Variants in MAN2A1 observed in about 807,000 individuals in gnomAD.
MAN2A1 encodes alpha-mannosidase 2.
MAN2A1 carries 76 observed loss-of-function variants against 142.6 expected under a neutral mutation model. The ratio of observed to expected loss-of-function variants is 0.53; its 90% CI spans 0.44 to 0.65. MAN2A1 has a LOEUF of 0.65. Among genes scored for constraint, MAN2A1 ranks in the 30% least tolerant of loss-of-function variants. MAN2A1 has a pLI of 0.00. For synonymous variants in MAN2A1, 559 were observed against 473.2 expected, an observed-to-expected ratio of 1.18 and a Z score of -2.35; for missense variants, 1,311 against 1,365.1, an observed-to-expected ratio of 0.96 and a Z score of 0.62.
intron 1 of MAN2A1, among the ~76,000 whole-genome samples, chr5:109,708,398 A>G (rs1751199140): frequency 6.6e-6 from 1 of 151,912 alleles, no homozygotes; most frequent in East Asian, 1.9e-4. Flanking sequence ...GGGGATAATG[A>G]GTAGAGAGAA....
intron 3 of MAN2A1, among the ~76,000 whole-genome samples, chr5:109,719,392 CAAAT>C (rs1419971630): frequency 6.6e-6 from 1 of 152,072 alleles, no homozygotes; most frequent in Non-Finnish European, 1.5e-5. Flanking sequence ...AAAATATTGA[CAAAT>C]AAATTATTCT....
intron 3 of MAN2A1, among the ~76,000 whole-genome samples, chr5:109,716,824 T>C (rs970259323): frequency 6.6e-6 from 1 of 152,202 alleles, no homozygotes; most frequent in Non-Finnish European, 1.5e-5. Context: ...AGGATAGTAG[T>C]ATCTGTTTCA....
chr5:109,782,118 T>C (rs1753476352), intron 9 of MAN2A1, among the ~76,000 whole-genome samples: 1 of 152,164 alleles, frequency 6.6e-6, no homozygotes, highest in Non-Finnish European at 1.5e-5. Context: ...TGAAGCACAT[T>C]TCTATAGGCA....
intron 4 of MAN2A1, among the ~76,000 whole-genome samples, chr5:109,751,231 A>G (rs963224722): frequency 2.0e-5 from 3 of 151,448 alleles, no homozygotes; most frequent in African/African-American, 7.3e-5. Context: ...GCTCCCAAAT[A>G]TGAGTGAGAA....
intron 1 of MAN2A1, among the ~76,000 whole-genome samples, chr5:109,694,256 A>G (rs994935148): frequency 1.3e-5 from 2 of 152,224 alleles, no homozygotes; most frequent in African/African-American, 2.4e-5. Flanking sequence ...CTTTTTGCCT[A>G]TGTAACATTT....
chr5:109,729,414 T>C lies in MAN2A1; in HGVS notation c.608T>C (p.Leu203Pro). ...QYIFNNMVLK[L>P]KEDSRRKFIW... ...ATTTTTAATAACATGGTCCTAAAGC[T>C]GAAAGAAGACTCACGGAGGAAGTTT... Residue 203 changes from leucine (L) to proline (P), a missense_variant, in exon 4 of 22, where the codon CTG (leucine) becomes CCG (proline). This residue lies in a region of MAN2A1 where 409 missense variants were observed against 412.7 expected (regional missense o/e 0.99). Coordinates refer to ENST00000261483, the MANE Select transcript of MAN2A1 (RefSeq NM_002372.4). 5 of 1,605,644 alleles carry C rather than the reference T, an allele frequency of 3.1e-6. No individual in the cohort carries two copies. The highest frequency in any genetic ancestry group is 4.3e-6 in the Non-Finnish European group (5 of 1,174,878).
At chr5:109,862,425 T>C (rs1367989440) in intron 20 of MAN2A1, 1 of 152,214 alleles carries the variant, frequency 6.6e-6, no homozygotes, top group African/African-American at 2.4e-5. Context: ...CCAGCCTTAC[T>C]TCAGTAATTC....
chr5:109,717,959 A>C (rs1475758370), intron 3 of MAN2A1, among the ~76,000 whole-genome samples: 1 of 152,216 alleles, frequency 6.6e-6, no homozygotes, highest in African/African-American at 2.4e-5. Flanking sequence ...ACTCACACTC[A>C]GTGAGGTGAG....
intron 1 of MAN2A1, among the ~76,000 whole-genome samples, chr5:109,704,308 T>C (rs1253160324): frequency 2.0e-5 from 3 of 152,226 alleles, no homozygotes; most frequent in Non-Finnish European, 2.9e-5. Context: ...AAAGAGTATA[T>C]TGCTTCTGCA....
chr5:109,703,365 G>C (rs1221254158), intron 1 of MAN2A1, among the ~76,000 whole-genome samples: 1 of 152,180 alleles, frequency 6.6e-6, no homozygotes, highest in Admixed American at 6.5e-5. Context: ...ACAAAGATAA[G>C]CATTTGTCAA....
At chr5:109,838,181 T>G (rs186074621) in intron 16 of MAN2A1, among the ~76,000 whole-genome samples, 120 of 152,302 alleles carry the variant, frequency 7.9e-4, no homozygotes, top group Non-Finnish European at 7.5e-4. Context: ...ACTTTTCACC[T>G]GTGAACTGGC....
At chr5:109,805,132 G>T (rs991075133) in intron 12 of MAN2A1, among the ~76,000 whole-genome samples, 1 of 152,108 alleles carries the variant, frequency 6.6e-6, no homozygotes, top group Non-Finnish European at 1.5e-5. Context: ...AAAACAGATG[G>T]TATTTTTGTT....
chr5:109,740,299 C>A (rs1752230782), intron 4 of MAN2A1, among the ~76,000 whole-genome samples: 1 of 152,180 alleles, frequency 6.6e-6, no homozygotes, highest in African/African-American at 2.4e-5. Flanking sequence ...GGAGCTGGGG[C>A]TATGAGAAGA....
chr5:109,790,480 T>C (rs1753710458), intron 12 of MAN2A1, among the ~76,000 whole-genome samples: 1 of 151,964 alleles, frequency 6.6e-6, no homozygotes, highest in African/African-American at 2.4e-5. Context: ...TAAGTTTTTT[T>C]ATTTTAGTAA....
At chr5:109,709,122 G>C (rs1751223328) in intron 1 of MAN2A1, among the ~76,000 whole-genome samples, 1 of 151,980 alleles carries the variant, frequency 6.6e-6, no homozygotes, top group African/African-American at 2.4e-5. Flanking sequence ...TAGTCAAGTT[G>C]AACCCCAAAT....
At chr5:109,833,657 G>C (rs1754987425) in intron 16 of MAN2A1, among the ~76,000 whole-genome samples, 1 of 149,612 alleles carries the variant, frequency 6.7e-6, no homozygotes, top group South Asian at 2.2e-4. Context: ...GAGGGAGACG[G>C]TGGAGAGAGA....
intron 4 of MAN2A1, among the ~76,000 whole-genome samples, chr5:109,730,098 C>T (rs1439363632): frequency 2.0e-5 from 3 of 152,012 alleles, no homozygotes; most frequent in East Asian, 1.9e-4. Context: ...TAAAGTGACA[C>T]CTGTATAGTT....
intron 12 of MAN2A1, among the ~76,000 whole-genome samples, chr5:109,808,836 T>C (rs1352960243): frequency 1.2e-4 from 18 of 151,938 alleles, no homozygotes; most frequent in African/African-American, 2.4e-5. Flanking sequence ...CCTGAGTAGC[T>C]GGGACTACAC....
At chr5:109,705,919 A>G (rs926419503) in intron 1 of MAN2A1, among the ~76,000 whole-genome samples, 3 of 152,028 alleles carry the variant, frequency 2.0e-5, no homozygotes, top group Non-Finnish European at 4.4e-5. Context: ...TCTTTTCCTT[A>G]TGATTACATT....
Sources: gnomAD v4.1 joint callset for allele counts (sites outside exome capture counted in the v4.1 genomes callset) on GRCh38, gnomAD v4.1.1 for gene constraint, gnomAD v4.1.1 regional missense constraint, MANE v1.5 for transcripts, NCBI Gene and HGNC (gene_info 2026-07-23, HGNC 2026-07-21) for gene names.